Variants in GPBP1 observed in about 807,000 individuals in gnomAD.
GPBP1 encodes vasculin.
A neutral mutation model predicts 56.5 loss-of-function variants in GPBP1; 13 were observed. That is an observed-to-expected ratio of 0.23 (90% confidence interval 0.15 to 0.37). GPBP1 has a LOEUF of 0.37. Ranked by LOEUF, GPBP1 falls within the 10% of genes least tolerant of loss-of-function variation. GPBP1 has a pLI of 1.00. For missense variants in GPBP1, 477 were observed against 572.3 expected, an observed-to-expected ratio of 0.83 and a Z score of 1.70; for synonymous variants, 204 against 188.9, an observed-to-expected ratio of 1.08 and a Z score of -0.66.
At chr5:57,231,427 C>A in intron 5 of GPBP1, 106 bp downstream of exon 5, 2 of 823,606 alleles carry the variant, frequency 2.4e-6, no homozygotes, top group South Asian at 1.8e-5. Context: ...GCATCCACCA[C>A]CAGGCCCGCC....
intron 3 of GPBP1, among the ~76,000 whole-genome samples, chr5:57,227,259 G>A (rs1055715159): frequency 9.2e-5 from 14 of 152,020 alleles, no homozygotes; most frequent in Non-Finnish European, 1.3e-4. Flanking sequence ...TTAGTGAGCC[G>A]TTTCACCATT....
intron 9 of GPBP1, 69 bp from the exon 10 acceptor site, chr5:57,250,885 T>TA: frequency 9.4e-7 from 1 of 1,066,462 alleles, no homozygotes; most frequent in Non-Finnish European, 1.3e-6. Context: ...TAGGATCTAT[T>TA]AAAAGTTTTT....
At chr5:57,185,703 A>T (rs990774359) in intron 2 of GPBP1, among the ~76,000 whole-genome samples, 2 of 149,284 alleles carry the variant, frequency 1.3e-5, no homozygotes, top group Non-Finnish European at 1.5e-5. Flanking sequence ...TTGCCTGTTT[A>T]AAAAAAAAAC....
At chr5:57,227,604 C>CTTTA (rs1756253521) in intron 3 of GPBP1, among the ~76,000 whole-genome samples, 1 of 152,348 alleles carries the variant, frequency 6.6e-6, no homozygotes, top group African/African-American at 2.4e-5. Flanking sequence ...AGACCAAGCT[C>CTTTA]TTTATATATG....
chr5:57,188,137 A>G (rs1754370573), intron 2 of GPBP1, among the ~76,000 whole-genome samples: 1 of 151,784 alleles, frequency 6.6e-6, no homozygotes, highest in African/African-American at 2.4e-5. Flanking sequence ...CCAGCTACAC[A>G]GGAGGCTAAG....
rs1463511413 is a variant in GPBP1 at position 57,237,317 on chromosome 5, C to G, written c.478+1285C>G. 8 of 663,202 alleles carry G rather than the reference C, an allele frequency of 1.2e-5. No homozygotes were observed. The African/African-American group carries it at 1.5e-4, about 12-fold the overall frequency. The allele number at this position is 663,202 out of a possible 1,614,324, so 41.1% of individuals were successfully genotyped here. On this transcript the variant is annotated intron_variant, in intron 6 of 11. Coordinates refer to ENST00000506184, the MANE Select transcript of GPBP1 (RefSeq NM_022913.4). The stretch of plus-strand genomic sequence containing the variant: ...ATGAAAGTTTTAAAAATCAAGAATG[C>G]CAGTGAGCGTTTGTCATATAAAACT...
At chr5:57,222,883 A>G (rs1756013582) in intron 3 of GPBP1, among the ~76,000 whole-genome samples, 1 of 152,190 alleles carries the variant, frequency 6.6e-6, no homozygotes, top group Admixed American at 6.5e-5. Context: ...TTGTGAAATT[A>G]GATGAAAAGA....
chr5:57,249,635 C>A, intron 9 of GPBP1, 59 bp downstream of exon 9: 3 of 1,394,940 alleles, frequency 2.2e-6, no homozygotes, highest in South Asian at 1.3e-5. Context: ...AATATTTGAG[C>A]ATGTATTAGG....
intron 10 of GPBP1, among the ~76,000 whole-genome samples, chr5:57,254,879 GAATA>G (rs1741578758): frequency 6.6e-6 from 1 of 152,092 alleles, no homozygotes; most frequent in African/African-American, 2.4e-5. Flanking sequence ...GTGAACAGAT[GAATA>G]AATAACCACA....
intron 2 of GPBP1, among the ~76,000 whole-genome samples, chr5:57,179,597 GT>G (rs1210034869): frequency 1.3e-5 from 2 of 151,912 alleles, no homozygotes; most frequent in Admixed American, 1.3e-4. Context: ...TTTTTTTGTT[GT>G]TTTTTTGGGT....
At chr5:57,244,727 A>ATTTTT (rs532660984) in intron 6 of GPBP1, among the ~76,000 whole-genome samples, 65 of 93,146 alleles carry the variant, frequency 7.0e-4, no homozygotes, top group Non-Finnish European at 8.6e-4. Context: ...TTTGTTTGAG[A>ATTTTT]TTTTTTTTTT....
intron 3 of GPBP1, among the ~76,000 whole-genome samples, chr5:57,223,572 A>C (rs1432896951): frequency 6.6e-6 from 1 of 152,054 alleles, no homozygotes; most frequent in African/African-American, 2.4e-5. Flanking sequence ...ATTGTGAAGT[A>C]GTACTAGAAG....
chr5:57,234,340 T>C (rs890568598), intron 5 of GPBP1, among the ~76,000 whole-genome samples: 9 of 152,218 alleles, frequency 5.9e-5, no homozygotes. Flanking sequence ...CATTCAATGC[T>C]CATCTCACTT....
rs373607083 is a variant in GPBP1, at chr5:57,193,682, A to C, written c.-58+17282A>C. Among the ~76,000 whole-genome samples, 112 of 151,408 alleles carry C rather than the reference A, an allele frequency of 7.4e-4. 2 individuals are homozygous for C. Among genetic ancestry groups the C allele is most frequent in the African/African-American group, 2.7e-3 (112 of 41,296 alleles). On this transcript the variant is annotated intron_variant, in intron 2 of 11. Coordinates refer to ENST00000506184, the MANE Select transcript of GPBP1 (RefSeq NM_022913.4). ...TTGTTAGTGCTATCTGGTTCGTAGG[A>C]TTAGGCGTGTTTAAAAAATTAAATT...
intron 10 of GPBP1, among the ~76,000 whole-genome samples, chr5:57,254,143 C>A (rs1159222447): frequency 1.3e-5 from 2 of 152,130 alleles, no homozygotes; most frequent in Non-Finnish European, 2.9e-5. Context: ...CCAGGCTGGT[C>A]TCAAACTCTT....
chr5:57,188,611 T>C (rs1371101476), intron 2 of GPBP1, among the ~76,000 whole-genome samples: 1 of 151,866 alleles, frequency 6.6e-6, no homozygotes, highest in Non-Finnish European at 1.5e-5. Context: ...GGCATGGTAT[T>C]GGGTGCCTGT....
At chr5:57,207,543 T>G (rs1755283051) in intron 2 of GPBP1, among the ~76,000 whole-genome samples, 1 of 152,156 alleles carries the variant, frequency 6.6e-6, no homozygotes, top group South Asian at 2.1e-4. Context: ...TGTTACAGGG[T>G]GCCCTTTTAG....
intron 5 of GPBP1, among the ~76,000 whole-genome samples, chr5:57,234,124 T>G (rs1756570533): frequency 2.0e-5 from 3 of 152,212 alleles, no homozygotes; most frequent in Admixed American, 2.0e-4. Context: ...TGCATGTATA[T>G]TTGCTTTACA....
At chr5:57,257,186 C>T (rs551459871) in intron 10 of GPBP1, among the ~76,000 whole-genome samples, 1 of 152,200 alleles carries the variant, frequency 6.6e-6, no homozygotes, top group East Asian at 1.9e-4. Flanking sequence ...AGGCACCCGC[C>T]ACAACACCTG....
Sources: gnomAD v4.1 joint callset for allele counts (sites outside exome capture counted in the v4.1 genomes callset) on GRCh38, gnomAD v4.1.1 for gene constraint, MANE v1.5 for transcripts, NCBI Gene and HGNC (gene_info 2026-07-23, HGNC 2026-07-21) for gene names.